Variants in ALMS1 observed in about 807,000 individuals in gnomAD.
ALMS1 encodes the protein ALMS1 centrosome and basal body associated protein, also known as centrosome-associated protein ALMS1.
Under a neutral mutation model 352.2 loss-of-function variants are expected in ALMS1, and 271 were observed. The ratio of observed to expected loss-of-function variants is 0.77; its 90% CI spans 0.70 to 0.85. The LOEUF is 0.85. Among genes scored for constraint, ALMS1 ranks in the 40% least tolerant of loss-of-function variants. The pLI is 0.00. For synonymous variants in ALMS1, 1,865 were observed against 1,761.2 expected, an observed-to-expected ratio of 1.06 and a Z score of -1.48; for missense variants, 5,445 against 4,870.7, an observed-to-expected ratio of 1.12 and a Z score of -3.51.
Position 73,573,149 on chromosome 2 carries a change from A to G in ALMS1, c.11272A>G (p.Thr3758Ala), listed in dbSNP as rs774579597. 2.5e-6 allele frequency: 4 copies of G among 1,613,856 alleles called. No homozygotes were observed. Among genetic ancestry groups the G allele is most frequent in the Non-Finnish European group, 2.5e-6 (3 of 1,179,962 alleles). ...DTTTNILSGT[T>A]STVESDILTQ... is the part of the protein sequence containing the mutation. ...TACCACCAACATCCTTTCCGGCACC[A>G]CTTCTACTGTCGAATCAGATATATT... is the stretch of plus-strand genomic sequence containing the variant. Residue 3758 changes from threonine (T) to alanine (A), a missense_variant, in exon 16 of 23, where the codon ACT becomes GCT. Transcript: ENST00000613296.
intron 7 of ALMS1, among the ~76,000 whole-genome samples, chr2:73,442,215 T>C (rs1200379250): frequency 6.6e-6 from 1 of 152,192 alleles, no homozygotes; most frequent in Non-Finnish European, 1.5e-5. Context: ...GCTGACATGA[T>C]ATTCAAAGGA....
chr2:73,586,868 A>G (rs963716080), intron 16 of ALMS1, among the ~76,000 whole-genome samples: 3 of 152,322 alleles, frequency 2.0e-5, no homozygotes, highest in African/African-American at 7.2e-5. Context: ...TATTAATTCT[A>G]GCCATCCATG....
At position 73,609,660 on chromosome 2, in the gene ALMS1, A is replaced by G. The variant is rs1262433942; in HGVS notation, c.*48A>G. ...CCTTGGAATTCTATTTTATGAACCT[A>G]GAGAAGCAGAATCCTTACTTTTGTG... On this transcript the variant is annotated 3_prime_UTR_variant, in exon 23 of 23. Transcript: ENST00000613296. 7 of 1,565,430 alleles carry G rather than the reference A, an allele frequency of 4.5e-6. No homozygotes were observed. The highest frequency in any genetic ancestry group is 6.2e-6 in the Non-Finnish European group (7 of 1,135,852).
chr2:73,570,459 G>A (rs982804096), intron 15 of ALMS1, among the ~76,000 whole-genome samples: 1 of 152,142 alleles, frequency 6.6e-6, no homozygotes, highest in African/African-American at 2.4e-5. Flanking sequence ...CCAGAAGTAT[G>A]GCTGTACTCT....
chr2:73,501,180 G>A (rs1321999841), intron 10 of ALMS1, among the ~76,000 whole-genome samples: 1 of 151,944 alleles, frequency 6.6e-6, no homozygotes, highest in Non-Finnish European at 1.5e-5. Context: ...TGGATTATTT[G>A]TCTCAGTATT....
intron 12 of ALMS1, among the ~76,000 whole-genome samples, chr2:73,536,111 A>G (rs1478416409): frequency 6.6e-6 from 1 of 152,208 alleles, no homozygotes; most frequent in Admixed American, 6.5e-5. Context: ...ACTCCTTGCA[A>G]GGCTATGGTT....
chr2:73,565,417 A>G (rs1674781529), intron 15 of ALMS1, among the ~76,000 whole-genome samples: 1 of 152,226 alleles, frequency 6.6e-6, no homozygotes, highest in Non-Finnish European at 1.5e-5. Context: ...ATAAATACCT[A>G]TGAGTCTGTA....
At position 73,601,431 on chromosome 2, in the gene ALMS1, C is replaced by CT. The variant is rs1675685953; in HGVS notation, c.12111dup (p.Gln4038SerfsTer10). 6.2e-7 allele frequency: 1 copy of CT among 1,613,970 alleles called. No individual in the cohort carries two copies. Among genetic ancestry groups the CT allele is most frequent in the Non-Finnish European group, 8.5e-7 (1 of 1,179,880 alleles). On this transcript the variant is annotated frameshift_variant, in exon 19 of 23. Coordinates refer to ENST00000613296, the MANE Select transcript of ALMS1 (RefSeq NM_001378454.1). LOFTEE classifies it high-confidence loss of function. ...ACTGAGGCCATTTGTGAGAGCAACC[C>CT]TTCAGGTGCAGTGACGTTGACTTAA...
At chr2:73,529,453 A>C (rs1476237081) in intron 11 of ALMS1, among the ~76,000 whole-genome samples, 2 of 152,172 alleles carry the variant, frequency 1.3e-5, no homozygotes, top group Non-Finnish European at 2.9e-5. Flanking sequence ...GTTTTCATAG[A>C]TGGTCTAGAA....
chr2:73,487,969 C>T (rs534540480), intron 9 of ALMS1, among the ~76,000 whole-genome samples: 67 of 152,278 alleles, frequency 4.4e-4, no homozygotes, highest in Non-Finnish European at 5.0e-4. Flanking sequence ...TGGCTGAGTC[C>T]AGGGTTTTTA....
At chr2:73,556,641 TTTTG>T (rs1558692851) in intron 13 of ALMS1, among the ~76,000 whole-genome samples, 1 of 133,386 alleles carries the variant, frequency 7.5e-6, no homozygotes, top group African/African-American at 3.4e-5. Context: ...TCCTTTTTTT[TTTTG>T]TTTTTTTTTT....
intron 3 of ALMS1, among the ~76,000 whole-genome samples, chr2:73,421,560 AATTC>A (rs1292539904): frequency 6.6e-6 from 1 of 152,150 alleles, no homozygotes; most frequent in African/African-American, 2.4e-5. Flanking sequence ...ATTTTTAATT[AATTC>A]ATTCAGTAAA....
chr2:73,536,081 C>G (rs962079189), intron 12 of ALMS1, among the ~76,000 whole-genome samples: 2 of 152,028 alleles, frequency 1.3e-5, no homozygotes, highest in Non-Finnish European at 2.9e-5. Flanking sequence ...AAGTTTATAG[C>G]CATAAATGAA....
chr2:73,519,874 A>C lies in ALMS1; in HGVS notation c.9639A>C (p.Leu3213=). The C allele has an allele frequency of 6.2e-7, 1 of 1,614,044 alleles. No individual in the cohort carries two copies. Among genetic ancestry groups the C allele is most frequent in the South Asian group, 1.1e-5 (1 of 91,070 alleles). The change falls in exon 11 of 23, where the codon CTA becomes CTC. Residue 3213 remains leucine, a synonymous_variant. Coordinates refer to ENST00000613296, the MANE Select transcript of ALMS1 (RefSeq NM_001378454.1). Reference sequence around the variant, plus strand: ...CAACAGAAAGTCCAGAAAAGACCCTATTTTCATCTGAGATTTTTATTAATG... The same window carrying C: ...CAACAGAAAGTCCAGAAAAGACCCTCTTTTCATCTGAGATTTTTATTAATG... ...QITTESPEKT[L]FSSEIFINAE...
chr2:73,402,941 T>C (rs890334577), intron 1 of ALMS1, among the ~76,000 whole-genome samples: 1 of 152,192 alleles, frequency 6.6e-6, no homozygotes, highest in Non-Finnish European at 1.5e-5. Context: ...ACTGACTCCT[T>C]ATCAGATATA....
intron 9 of ALMS1, among the ~76,000 whole-genome samples, chr2:73,481,484 G>A (rs2103866385): frequency 6.6e-6 from 1 of 152,268 alleles, no homozygotes; most frequent in African/African-American, 2.4e-5. Flanking sequence ...CTGTAGCCTT[G>A]TAGTATAGTT....
At chr2:73,485,655 G>A (rs1310700846) in intron 9 of ALMS1, among the ~76,000 whole-genome samples, 3 of 152,056 alleles carry the variant, frequency 2.0e-5, no homozygotes, top group African/African-American at 4.8e-5. Flanking sequence ...GGGCAATGGC[G>A]GGCGCCCCTC....
At position 73,609,432 on chromosome 2, in the gene ALMS1, G is replaced by A. The variant is rs1368665309; in HGVS notation, c.12463-136G>A. On this transcript the variant is annotated intron_variant, in intron 22 of 22. Coordinates refer to ENST00000613296, the MANE Select transcript of ALMS1 (RefSeq NM_001378454.1). ...TTTTTATATGACGACCATAGTTTCT[G>A]AAGCAGAGTAAAATGAACAAGATTT... is the stretch of plus-strand genomic sequence containing the variant. The A allele has an allele frequency of 4.8e-6, 4 of 826,170 alleles. No individual in the cohort carries two copies. In the African/African-American group the frequency reaches 6.7e-5, roughly 14 times the overall value. The allele number at this position is 826,170 out of a possible 1,614,324, so 51.2% of individuals were successfully genotyped here. A position where few individuals can be genotyped will look rare whatever the true frequency, so the allele number is the denominator to read the frequency against.
At chr2:73,532,019 A>G (rs564384665) in intron 11 of ALMS1, among the ~76,000 whole-genome samples, 9 of 152,350 alleles carry the variant, frequency 5.9e-5, no homozygotes, top group Non-Finnish European at 1.2e-4. Flanking sequence ...ACCATATCAG[A>G]AGTTTCTGAT....
Sources: allele counts gnomAD v4.1 joint callset (sites outside exome capture counted in the v4.1 genomes callset), GRCh38; gene constraint gnomAD v4.1.1; transcripts MANE v1.5; gene names NCBI Gene and HGNC (gene_info 2026-07-23, HGNC 2026-07-21).